Variants in SLC30A9 observed in about 807,000 individuals in gnomAD.
SLC30A9 encodes the protein solute carrier family 30 member 9, also known as proton-coupled zinc antiporter SLC30A9, mitochondrial.
SLC30A9 carries 58 observed loss-of-function variants against 87.5 expected under a neutral mutation model. The ratio of observed to expected loss-of-function variants is 0.66; its 90% CI spans 0.54 to 0.82. The LOEUF is 0.82. SLC30A9 is among the 40% of genes least tolerant of loss of function. The probability of loss-of-function intolerance (pLI) is 0.00; values close to 1 mark genes in which losing one functional copy is unlikely to be tolerated. For synonymous variants in SLC30A9, 234 were observed against 233.0 expected, an observed-to-expected ratio of 1.00 and a Z score of -0.04; for missense variants, 557 against 679.1, an observed-to-expected ratio of 0.82 and a Z score of 2.00.
At chr4:42,026,938 A>C (rs1716217674) in intron 6 of SLC30A9, among the ~76,000 whole-genome samples, 1 of 151,096 alleles carries the variant, frequency 6.6e-6, no homozygotes, top group Non-Finnish European at 1.5e-5. Flanking sequence ...AAATTTACCT[A>C]TTAATTCTGT....
At chr4:41,994,440 C>T (rs958830500) in intron 1 of SLC30A9, among the ~76,000 whole-genome samples, 2 of 150,588 alleles carry the variant, frequency 1.3e-5, no homozygotes, top group African/African-American at 4.9e-5. Flanking sequence ...GTATTTATAC[C>T]TTGCCTCATT....
At chr4:41,992,918 G>T (rs1408610650) in intron 1 of SLC30A9, among the ~76,000 whole-genome samples, 1 of 151,992 alleles carries the variant, frequency 6.6e-6, no homozygotes, top group African/African-American at 2.4e-5. Context: ...TAGAAGTAAG[G>T]TTTAGTTTAT....
At chr4:42,060,363 T>G (rs1008101462) in intron 10 of SLC30A9, 117 bp downstream of exon 10, 1 of 784,646 alleles carries the variant, frequency 1.3e-6, no homozygotes, top group Non-Finnish European at 2.2e-6. Flanking sequence ...ATTTGGTCAT[T>G]TCTTCCACTG....
chr4:42,032,144 C>T (rs996879217), intron 6 of SLC30A9, among the ~76,000 whole-genome samples: 2 of 152,096 alleles, frequency 1.3e-5, no homozygotes, highest in African/African-American at 4.8e-5. Context: ...ACTCACCAGT[C>T]GTGAGGACAG....
At chr4:42,040,683 C>T (rs957503737) in intron 8 of SLC30A9, among the ~76,000 whole-genome samples, 3 of 151,038 alleles carry the variant, frequency 2.0e-5, no homozygotes, top group African/African-American at 4.9e-5. Context: ...GTAGTCCCAG[C>T]TACTTGAGAG....
intron 1 of SLC30A9, among the ~76,000 whole-genome samples, chr4:41,992,675 C>A (rs527699324): frequency 6.6e-6 from 1 of 152,212 alleles, no homozygotes; most frequent in African/African-American, 2.4e-5. Context: ...ATGTTTATTA[C>A]TACAAAAAAT....
intron 2 of SLC30A9, among the ~76,000 whole-genome samples, chr4:42,016,575 A>AGTT (rs1299927466): frequency 6.6e-6 from 1 of 152,124 alleles, no homozygotes; most frequent in Non-Finnish European, 1.5e-5. Context: ...CATTAAATTT[A>AGTT]GTTGCTAAGA....
intron 6 of SLC30A9, among the ~76,000 whole-genome samples, chr4:42,028,418 C>T (rs150215238): frequency 6.6e-6 from 1 of 152,324 alleles, no homozygotes; most frequent in African/African-American, 2.4e-5. Flanking sequence ...TGCGCCCAGC[C>T]ACGTGAGAAT....
At chr4:42,048,963 A>G (rs1553917538) in intron 8 of SLC30A9, among the ~76,000 whole-genome samples, 1 of 151,244 alleles carries the variant, frequency 6.6e-6, no homozygotes, top group African/African-American at 2.4e-5. Context: ...TTTTTTTGTT[A>G]TTGTTGTTGT....
intron 8 of SLC30A9, among the ~76,000 whole-genome samples, chr4:42,047,794 G>A (rs1044698060): frequency 2.6e-5 from 4 of 152,108 alleles, no homozygotes; most frequent in African/African-American, 7.2e-5. Context: ...GTTTTTTGTA[G>A]CACTATTCAT....
chr4:42,072,592 T>C (rs1199714849), intron 15 of SLC30A9, among the ~76,000 whole-genome samples: 2 of 152,284 alleles, frequency 1.3e-5, no homozygotes, highest in East Asian at 1.9e-4. Context: ...TATTTTGTTC[T>C]ATTGTGGTCA....
At chr4:42,077,727 G>T (rs1253223584) in intron 16 of SLC30A9, among the ~76,000 whole-genome samples, 2 of 151,754 alleles carry the variant, frequency 1.3e-5, no homozygotes, top group African/African-American at 4.8e-5. Context: ...TCTTTTTGTT[G>T]TTATACAAAA....
chr4:42,066,982 A>C (rs1718105060), intron 13 of SLC30A9, 103 bp from the exon 14 acceptor site: 1 of 707,682 alleles, frequency 1.4e-6, no homozygotes, highest in Non-Finnish European at 2.4e-6. Context: ...TTTTATCTTA[A>C]CTTATATCTT....
chr4:42,033,197 A>G (rs1716521556), intron 6 of SLC30A9, among the ~76,000 whole-genome samples: 1 of 152,168 alleles, frequency 6.6e-6, no homozygotes, highest in Admixed American at 6.5e-5. Flanking sequence ...ATAATTGCCT[A>G]AAAATTTACA....
chr4:42,084,454 CTTTAT>C (rs144751904), intron 17 of SLC30A9, among the ~76,000 whole-genome samples: 1 of 151,438 alleles, frequency 6.6e-6, no homozygotes, highest in African/African-American at 2.4e-5. Flanking sequence ...GGTGCCCTTC[CTTTAT>C]TTTATTTTAT....
At chr4:42,025,469 G>A (rs1317449404) in intron 6 of SLC30A9, among the ~76,000 whole-genome samples, 2 of 152,070 alleles carry the variant, frequency 1.3e-5, no homozygotes, top group Non-Finnish European at 2.9e-5. Context: ...AGCTAACCTA[G>A]TCAGGAGGAA....
chr4:42,029,810 C>T, intron 6 of SLC30A9: 3 of 729,580 alleles, frequency 4.1e-6, no homozygotes, highest in East Asian at 5.2e-5. Context: ...TGGAGACTTA[C>T]CCAGTGATGA....
chr4:42,010,236 G>A lies in SLC30A9; in HGVS notation c.275-7875G>A, dbSNP rs1380220955. The stretch of plus-strand genomic sequence containing the variant: ...ACACCTGTAATCTAGCACTTTGGGA[G>A]GCCAAGGTGAAGGATCCCTTGAGGT... On this transcript the variant is annotated intron_variant, in intron 2 of 17. Coordinates refer to ENST00000264451, the MANE Select transcript of SLC30A9 (RefSeq NM_006345.4). Among the ~76,000 whole-genome samples the A allele has an allele frequency of 2.6e-5, 4 of 152,152 alleles. 1 individual carries two copies. The highest frequency in any genetic ancestry group is 4.4e-5 in the Non-Finnish European group (3 of 68,024).
Position 42,053,314 on chromosome 4 carries a change from C to T in SLC30A9, c.840+3835C>T, listed in dbSNP as rs140907526. On this transcript the variant is annotated intron_variant, in intron 9 of 17. Transcript: ENST00000264451. The stretch of plus-strand genomic sequence containing the variant: ...AAAATATTTGGCAGCCTCCTATAAA[C>T]ATATACTTATCCTGTGACCCACCAA... Among the ~76,000 whole-genome samples, 16 of 152,286 alleles carry T rather than the reference C, an allele frequency of 1.1e-4. No homozygotes were observed. In the East Asian group the frequency reaches 3.1e-3, roughly 29 times the overall value.
Sources: allele counts gnomAD v4.1 joint callset (sites outside exome capture counted in the v4.1 genomes callset), GRCh38; gene constraint gnomAD v4.1.1; transcripts MANE v1.5; gene names NCBI Gene and HGNC (gene_info 2026-07-23, HGNC 2026-07-21).